The following PIR variants were observed in gnomAD, a reference collection of about 807,000 sequenced individuals.
PIR encodes pirin, also known as pirin (iron-binding nuclear protein).
A neutral mutation model predicts 24.2 loss-of-function variants in PIR; 22 were observed. The ratio of observed to expected loss-of-function variants is 0.91; its 90% CI spans 0.65 to 1.30. The LOEUF is 1.30. PIR is among the 50% of genes most tolerant of loss of function. The pLI is 0.00. For synonymous variants in PIR, 80 were observed against 79.6 expected, an observed-to-expected ratio of 1.00 and a Z score of -0.03; for missense variants, 220 against 220.3, an observed-to-expected ratio of 1.00 and a Z score of 0.01.
intron 5 of PIR, among the ~76,000 whole-genome samples, chrX:15,437,062 CA>C (rs1300033843): frequency 8.9e-6 from 1 of 111,989 alleles, no homozygotes; most frequent in Non-Finnish European, 1.9e-5. Flanking sequence ...ATACACTCAG[CA>C]AACTTATGCA....
intron 3 of PIR, among the ~76,000 whole-genome samples, chrX:15,471,988 T>C (rs1180379691): frequency 9.0e-6 from 1 of 111,333 alleles, no homozygotes; most frequent in Non-Finnish European, 1.9e-5. Flanking sequence ...CTCATCCCCA[T>C]TACACAATGG....
chrX:15,392,921 A>G (rs1383914713), intron 8 of PIR, among the ~76,000 whole-genome samples: 8 of 112,361 alleles, frequency 7.1e-5, no homozygotes, highest in Non-Finnish European at 1.5e-4. Flanking sequence ...TACAGTGATG[A>G]TGTGGCTGAA....
At chrX:15,419,868 C>T (rs1242431004) in intron 6 of PIR, among the ~76,000 whole-genome samples, 1 of 106,945 alleles carries the variant, frequency 9.4e-6, no homozygotes, top group Non-Finnish European at 1.9e-5. Flanking sequence ...TGCACTCCAG[C>T]CTGGGCGACA....
chrX:15,436,862 AGGG>A (rs911764881), intron 5 of PIR, among the ~76,000 whole-genome samples: 1 of 112,318 alleles, frequency 8.9e-6, no homozygotes, highest in African/African-American at 3.2e-5. Flanking sequence ...AAATTAATGA[AGGG>A]GGAATTTATT....
At chrX:15,458,281 A>G (rs1921161510) in intron 4 of PIR, among the ~76,000 whole-genome samples, 1 of 111,787 alleles carries the variant, frequency 8.9e-6, no homozygotes, top group Non-Finnish European at 1.9e-5. Flanking sequence ...GGCTATGGGC[A>G]TCTGTTTTTA....
intron 5 of PIR, among the ~76,000 whole-genome samples, chrX:15,453,747 T>C (rs1441115546): frequency 8.9e-6 from 1 of 112,096 alleles, no homozygotes; most frequent in African/African-American, 3.2e-5. Flanking sequence ...GACCACATGG[T>C]CTGCTGCTTG....
chrX:15,391,641 T>C (rs1370826108), intron 8 of PIR, among the ~76,000 whole-genome samples: 1 of 112,218 alleles, frequency 8.9e-6, no homozygotes, highest in African/African-American at 3.2e-5. Context: ...GAATTACATA[T>C]GTACTTAGAT....
chrX:15,450,196 G>A (rs1002191447), intron 5 of PIR, among the ~76,000 whole-genome samples: 4 of 111,288 alleles, frequency 3.6e-5, no homozygotes, highest in African/African-American at 6.5e-5. Context: ...ATCACAGAGC[G>A]CTCTGATTTA....
intron 3 of PIR, among the ~76,000 whole-genome samples, 174 bp from the exon 4 acceptor site, chrX:15,459,914 TAA>T (rs56263338): frequency 0.027 from 2,526 of 95,241 alleles, 85 homozygotes; most frequent in African/African-American, 0.087. Flanking sequence ...GCCTTTTCAT[TAA>T]AAAAAAAAAA....
chrX:15,477,921 G>A (rs1032416112), intron 3 of PIR, among the ~76,000 whole-genome samples: 4 of 110,494 alleles, frequency 3.6e-5, no homozygotes, highest in Non-Finnish European at 5.7e-5. Flanking sequence ...CAGTTTTAAA[G>A]AAAATTCTTA....
intron 5 of PIR, among the ~76,000 whole-genome samples, chrX:15,445,892 C>G (rs199853142): frequency 3.3e-5 from 3 of 90,068 alleles, no homozygotes; most frequent in Non-Finnish European, 6.3e-5. Context: ...TGCTGTGGCG[C>G]GATCTCGGCT....
At chrX:15,447,054 G>T (rs968528669) in intron 5 of PIR, among the ~76,000 whole-genome samples, 1 of 112,128 alleles carries the variant, frequency 8.9e-6, no homozygotes, top group Non-Finnish European at 1.9e-5. Flanking sequence ...CACAGGAGTA[G>T]AATTCCTTTT....
At position 15,491,207 on chromosome X, in the gene PIR, C is replaced by T. The variant is rs146277049; in HGVS notation, c.51G>A (p.Ser17=). ...VTLSVLSREQ[S]EGVGARVRRS... ...TCCGGACCCTCGCTCCAACCCCTTCCGACTGCTCCCGGCTGAGCACTGAGA... is the reference window on the plus strand; with the variant it reads ...TCCGGACCCTCGCTCCAACCCCTTCTGACTGCTCCCGGCTGAGCACTGAGA... Residue 17 remains serine (S), a synonymous_variant, in exon 2 of 10, where the codon TCG becomes TCA. Transcript: ENST00000380420. 4.6e-5 allele frequency: 55 copies of T among 1,205,832 alleles called. No homozygotes were observed. In the African/African-American group the frequency reaches 6.5e-4, roughly 14 times the overall value.
intron 9 of PIR, among the ~76,000 whole-genome samples, chrX:15,388,686 C>G (rs1216061632): frequency 8.9e-6 from 1 of 111,807 alleles, no homozygotes; most frequent in Non-Finnish European, 1.9e-5. Context: ...TCCTAACATT[C>G]TATGATTTCC....
intron 6 of PIR, among the ~76,000 whole-genome samples, chrX:15,416,820 TAGCCAGC>T (rs1267389837): frequency 1.8e-5 from 2 of 111,327 alleles, no homozygotes; most frequent in African/African-American, 6.5e-5. Flanking sequence ...GAGCAGACTC[TAGCCAGC>T]AACCCTTGAG....
intron 5 of PIR, among the ~76,000 whole-genome samples, chrX:15,454,964 G>A (rs1921026038): frequency 8.9e-6 from 1 of 112,432 alleles, no homozygotes; most frequent in African/African-American, 3.2e-5. Context: ...GCAGGATCAA[G>A]GTAAAGCCAC....
At chrX:15,398,386 T>C (rs1017156847) in intron 7 of PIR, among the ~76,000 whole-genome samples, 3 of 111,549 alleles carry the variant, frequency 2.7e-5, no homozygotes, top group African/African-American at 9.8e-5. Context: ...CAAAGTTCAA[T>C]AAGAGAACAG....
chrX:15,400,956 T>G (rs1164922577), intron 7 of PIR, among the ~76,000 whole-genome samples: 1 of 109,745 alleles, frequency 9.1e-6, no homozygotes, highest in Non-Finnish European at 1.9e-5. Flanking sequence ...GCCAGGATGG[T>G]CTTGATCTCC....
intron 7 of PIR, among the ~76,000 whole-genome samples, chrX:15,398,642 T>C (rs1924260538): frequency 9.6e-6 from 1 of 104,348 alleles, no homozygotes; most frequent in Admixed American, 1.1e-4. Flanking sequence ...TTTATCTGTA[T>C]AAAATTGACA....
Sources: gnomAD v4.1 joint callset for allele counts (sites outside exome capture counted in the v4.1 genomes callset) on GRCh38, gnomAD v4.1.1 for gene constraint, MANE v1.5 for transcripts, NCBI Gene and HGNC (gene_info 2026-07-23, HGNC 2026-07-21) for gene names.